The following RGS20 variants were observed in gnomAD, a reference collection of about 807,000 sequenced individuals.
RGS20 encodes gz-selective GTPase-activating protein.
A neutral mutation model predicts 33.6 loss-of-function variants in RGS20; 30 were observed. The observed-to-expected ratio is 0.89, with a 90% CI of 0.67 to 1.21. The LOEUF is 1.21. Ranked by LOEUF, RGS20 falls within the 50% of genes most tolerant of loss-of-function variation. The pLI, the probability that RGS20 is intolerant of heterozygous loss-of-function variation, is 0.00. For missense variants in RGS20, 472 were observed against 502.4 expected, an observed-to-expected ratio of 0.94 and a Z score of 0.58; for synonymous variants, 208 against 197.9, an observed-to-expected ratio of 1.05 and a Z score of -0.43.
At chr8:53,901,358 G>A (rs1407732047) in intron 2 of RGS20, among the ~76,000 whole-genome samples, 2 of 152,196 alleles carry the variant, frequency 1.3e-5, no homozygotes, top group Middle Eastern at 3.4e-3. Context: ...GTGAACCACC[G>A]CGCCCAGCCT....
chr8:53,885,613 C>CAA (rs113602235), intron 2 of RGS20, among the ~76,000 whole-genome samples: 1 of 142,752 alleles, frequency 7.0e-6, no homozygotes, highest in African/African-American at 2.6e-5. Flanking sequence ...GACTCCGTCT[C>CAA]AAAAAAAAAA....
At chr8:53,900,689 T>G (rs1812991339) in intron 2 of RGS20, among the ~76,000 whole-genome samples, 1 of 152,228 alleles carries the variant, frequency 6.6e-6, no homozygotes, top group East Asian at 1.9e-4. Context: ...CGTGGAGGCT[T>G]AGGAAGGTGA....
intron 1 of RGS20, among the ~76,000 whole-genome samples, chr8:53,879,002 G>C (rs940815498): frequency 7.9e-5 from 12 of 152,246 alleles, no homozygotes; most frequent in Middle Eastern, 3.4e-3. Context: ...TGGGGCTCAA[G>C]AGTCTTTATT....
intron 2 of RGS20, among the ~76,000 whole-genome samples, chr8:53,885,125 C>T (rs1171578284): frequency 1.3e-5 from 2 of 152,110 alleles, no homozygotes; most frequent in Non-Finnish European, 2.9e-5. Context: ...TATGGACTAG[C>T]GAGAGTAAAA....
Position 53,880,936 on chromosome 8 carries a change from C to G in RGS20, c.510+1334C>G, listed in dbSNP as rs945648619. The G allele has an allele frequency of 5.8e-6, 9 of 1,555,874 alleles. No individual in the cohort carries two copies. The South Asian group carries it at 1.0e-4, about 18-fold the overall frequency. The stretch of plus-strand genomic sequence containing the variant: ...GCAAAGACCGAGAGCCGGAGAAAGG[C>G]GAAAGGCGCGGTGAGCAATCGCCGA... On this transcript the variant is annotated intron_variant, in intron 2 of 5. Coordinates refer to ENST00000297313, the MANE Select transcript of RGS20 (RefSeq NM_170587.4).
Position 53,879,323 on chromosome 8 carries a change from C to T in RGS20, c.231C>T (p.Ser77=). 6.2e-7 allele frequency: 1 copy of T among 1,613,328 alleles called. No individual in the cohort carries two copies. Among genetic ancestry groups the T allele is most frequent in the Middle Eastern group, 1.6e-4 (1 of 6,062 alleles). The change falls in exon 2 of 6, where the codon AGC becomes AGT. Residue 77 remains serine (S), a synonymous_variant. Transcript: ENST00000297313. ...CGAAGCTGTTCGGCCTCCTTTCTAG[C>T]CCGCTTTCCAGCCTCGCAAGGTTCT...
At chr8:53,904,509 C>T (rs371660715) in intron 2 of RGS20, among the ~76,000 whole-genome samples, 25 of 152,268 alleles carry the variant, frequency 1.6e-4, no homozygotes, top group African/African-American at 1.7e-4. Context: ...GCAATAACTA[C>T]GCAGAAATTC....
Position 53,939,725 on chromosome 8 carries a change from G to C in RGS20, c.659+1G>C, listed in dbSNP as rs1286496297. ...GGTGCTGCTGTTGTAGCTGCTCGTG[G>C]TAAGGTTTGGGGCTTTTTAATGAAT... On this transcript the variant is annotated splice_donor_variant, in intron 3 of 5. Transcript: ENST00000297313. LOFTEE classifies it high-confidence loss of function. 6.4e-7 allele frequency: 1 copy of C among 1,552,298 alleles called. No individual in the cohort carries two copies. Among genetic ancestry groups the C allele is most frequent in the Non-Finnish European group, 8.7e-7 (1 of 1,147,222 alleles).
intron 1 of RGS20, among the ~76,000 whole-genome samples, chr8:53,864,067 T>A (rs749456187): frequency 3.3e-5 from 5 of 152,140 alleles, no homozygotes; most frequent in Non-Finnish European, 7.4e-5. Context: ...ATTTGAATGG[T>A]TGCTTTGAAA....
chr8:53,896,692 G>A (rs1029188763), intron 2 of RGS20, among the ~76,000 whole-genome samples: 4 of 152,104 alleles, frequency 2.6e-5, no homozygotes, highest in African/African-American at 9.7e-5. Context: ...TAAAATCAAA[G>A]GACCCAACTT....
At chr8:53,933,100 C>T (rs1814022406) in intron 2 of RGS20, among the ~76,000 whole-genome samples, 1 of 152,124 alleles carries the variant, frequency 6.6e-6, no homozygotes, top group Non-Finnish European at 1.5e-5. Context: ...GAAACCCCAT[C>T]CAAAGATCAC....
intron 2 of RGS20, among the ~76,000 whole-genome samples, chr8:53,884,099 A>G (rs564031833): frequency 6.6e-6 from 1 of 152,280 alleles, no homozygotes; most frequent in East Asian, 1.9e-4. Flanking sequence ...TTCAAACTAT[A>G]AATAAGATCA....
At chr8:53,942,738 C>T (rs1814336863) in intron 3 of RGS20, among the ~76,000 whole-genome samples, 1 of 151,830 alleles carries the variant, frequency 6.6e-6, no homozygotes, top group Non-Finnish European at 1.5e-5. Context: ...CCTGTAATCC[C>T]AGCACTTTGG....
chr8:53,864,127 T>C (rs1439538017), intron 1 of RGS20, among the ~76,000 whole-genome samples: 1 of 152,028 alleles, frequency 6.6e-6, no homozygotes, highest in African/African-American at 2.4e-5. Context: ...TATAAAGACA[T>C]GGGCTTTTTT....
intron 2 of RGS20, among the ~76,000 whole-genome samples, chr8:53,881,978 T>G (rs1812397779): frequency 1.3e-5 from 2 of 148,920 alleles, no homozygotes; most frequent in South Asian, 2.2e-4. Context: ...GAGGGGAGGG[T>G]CTGTGTGCGC....
At chr8:53,884,027 A>T (rs893208331) in intron 2 of RGS20, among the ~76,000 whole-genome samples, 2 of 151,878 alleles carry the variant, frequency 1.3e-5, no homozygotes, top group African/African-American at 4.8e-5. Context: ...TTATAACGGG[A>T]TGGCACATAC....
chr8:53,919,346 C>CTT (rs1320840458), intron 2 of RGS20, among the ~76,000 whole-genome samples: 7,484 of 141,056 alleles, frequency 0.053, 609 homozygotes, highest in African/African-American at 0.18. Flanking sequence ...TGTCTTTTCA[C>CTT]TTTTTTTTTT....
chr8:53,860,155 A>T (rs1490203138), intron 1 of RGS20, among the ~76,000 whole-genome samples: 1 of 152,252 alleles, frequency 6.6e-6, no homozygotes, highest in Non-Finnish European at 1.5e-5. Context: ...CTGAAAAATG[A>T]AATTTTAAGA....
chr8:53,858,588 A>G (rs1315793252), intron 1 of RGS20, among the ~76,000 whole-genome samples: 3 of 152,030 alleles, frequency 2.0e-5, no homozygotes, highest in South Asian at 2.1e-4. Context: ...TCAGATATAC[A>G]TTGGCTTGAA....
Sources: allele counts gnomAD v4.1 joint callset (sites outside exome capture counted in the v4.1 genomes callset), GRCh38; gene constraint gnomAD v4.1.1; transcripts MANE v1.5; gene names NCBI Gene and HGNC (gene_info 2026-07-23, HGNC 2026-07-21).